Variants in AMZ1 observed in about 807,000 individuals in gnomAD.
AMZ1 encodes archaemetzincin-1.
In AMZ1, 39 loss-of-function variants were observed where a neutral mutation model predicts 29.9. The ratio of observed to expected loss-of-function variants is 1.30; its 90% CI spans 1.01 to 1.70. The LOEUF (loss-of-function observed/expected upper bound fraction) is 1.70, where lower values mean the gene tolerates loss of function less well. Ranked by LOEUF, AMZ1 falls within the 40% of genes most tolerant of loss-of-function variation. The pLI is 0.00. For synonymous variants in AMZ1, 458 were observed against 304.0 expected (o/e 1.51, Z -5.27); for missense variants, 1,041 against 680.6 (o/e 1.53, Z -5.89).
In AMZ1 at chr7:2,718,614, G is replaced by A. The variant is rs759425711; in HGVS notation, c.*5736G>A. Among the ~76,000 whole-genome samples, 1 of 152,356 alleles carries A rather than the reference G, an allele frequency of 6.6e-6. No homozygotes were observed. The highest frequency in any genetic ancestry group is 3.4e-3 in the Middle Eastern group (1 of 294). ...GTGTGGGGTCCAGTCTGAAGCCGAC[G>A]CCCCTCTCGGTCAGGCTTTCAGCAG... is the stretch of plus-strand genomic sequence containing the variant. On this transcript the variant is annotated 3_prime_UTR_variant, in exon 7 of 7. Coordinates refer to ENST00000683327, the MANE Select transcript of AMZ1 (RefSeq NM_001384743.1).
intron 4 of AMZ1, among the ~76,000 whole-genome samples, chr7:2,726,502 T>C (rs1023598826): frequency 3.9e-5 from 6 of 152,164 alleles, no homozygotes; most frequent in Non-Finnish European, 7.3e-5. Context: ...TTCGACTGTG[T>C]CCCCAGGGCA....
At chr7:2,687,139 C>G (rs1787111648), upstream of AMZ1, among the ~76,000 whole-genome samples, 1 of 151,980 alleles carries the variant, frequency 6.6e-6, no homozygotes, top group Non-Finnish European at 1.5e-5. Flanking sequence ...CCAGCCTGGC[C>G]AAGAAGGTGA....
At chr7:2,687,691 C>T (rs1046650537), upstream of AMZ1, among the ~76,000 whole-genome samples, 1 of 114,518 alleles carries the variant, frequency 8.7e-6, no homozygotes, top group Non-Finnish European at 1.8e-5. Context: ...GGGCCTGGTT[C>T]ACCCCTCTCA....
chr7:2,714,071 G>A lies in AMZ1; in HGVS notation c.*1193G>A, dbSNP rs1788975940. On this transcript the variant is annotated 3_prime_UTR_variant, in exon 7 of 7. Transcript: ENST00000683327. ...ACATTTGATTGTTGTGTCTTCCTGA[G>A]GAATTGACCCTTTTATTGTCACACG... The A allele has an allele frequency of 6.6e-6, 1 of 152,194 alleles. No homozygotes were observed. Among genetic ancestry groups the A allele is most frequent in the Non-Finnish European group, 1.5e-5 (1 of 68,040 alleles). The allele number at this position is 152,194 out of a possible 1,614,324, so 9.4% of individuals were successfully genotyped here. A position where few individuals can be genotyped will look rare whatever the true frequency, so the allele number is the denominator to read the frequency against.
intron 4 of AMZ1, among the ~76,000 whole-genome samples, chr7:2,745,099 G>T (rs1790701600): frequency 6.6e-6 from 1 of 152,194 alleles, no homozygotes; most frequent in Non-Finnish European, 1.5e-5. Flanking sequence ...CACTCTGCAG[G>T]ATATTATCCA....
At chr7:2,735,467 C>T (rs1051095088) in intron 4 of AMZ1, among the ~76,000 whole-genome samples, 4 of 152,160 alleles carry the variant, frequency 2.6e-5, no homozygotes, top group African/African-American at 7.2e-5. Context: ...ACACGTGCTC[C>T]GCCCAGATAG....
At chr7:2,707,611 C>A (rs1252696289) in intron 3 of AMZ1, among the ~76,000 whole-genome samples, 1 of 152,084 alleles carries the variant, frequency 6.6e-6, no homozygotes, top group African/African-American at 2.4e-5. Flanking sequence ...ACTGTGATCT[C>A]ACAGTGCTGT....
At chr7:2,743,021 C>T (rs753080778) in intron 4 of AMZ1, among the ~76,000 whole-genome samples, 3 of 152,180 alleles carry the variant, frequency 2.0e-5, no homozygotes, top group Non-Finnish European at 4.4e-5. Flanking sequence ...AGACAGAAAG[C>T]CTACCATCTT....
intron 4 of AMZ1, among the ~76,000 whole-genome samples, chr7:2,734,628 AGACT>A (rs1430938793): frequency 6.6e-6 from 1 of 152,238 alleles, no homozygotes; most frequent in Non-Finnish European, 1.5e-5. Context: ...TGTCCCAGAC[AGACT>A]GAGGGGAGAA....
upstream of AMZ1, chr7:2,762,512 G>T: frequency 1.0e-6 from 1 of 967,224 alleles, no homozygotes; most frequent in Non-Finnish European, 1.5e-6. Context: ...GCCTAACTGT[G>T]GACTACAAAA....
chr7:2,758,781 TGC>T (rs1791419555), intron 4 of AMZ1, among the ~76,000 whole-genome samples: 1 of 152,188 alleles, frequency 6.6e-6, no homozygotes, highest in Non-Finnish European at 1.5e-5. Flanking sequence ...GATAATCAAG[TGC>T]AGTTTACTCA....
intron 2 of AMZ1, among the ~76,000 whole-genome samples, chr7:2,701,703 G>A (rs550891456): frequency 2.0e-5 from 3 of 152,322 alleles, no homozygotes; most frequent in Admixed American, 1.3e-4. Context: ...TCTGACCAGC[G>A]CACCACGCCT....
intron 1 of AMZ1, among the ~76,000 whole-genome samples, chr7:2,696,965 A>G (rs931726543): frequency 6.6e-6 from 1 of 152,232 alleles, no homozygotes; most frequent in Non-Finnish European, 1.5e-5. Context: ...GCAATTTGCA[A>G]TACAAATCAC....
intron 1 of AMZ1, among the ~76,000 whole-genome samples, chr7:2,681,196 G>A (rs1451215906): frequency 6.6e-6 from 1 of 152,216 alleles, no homozygotes; most frequent in Non-Finnish European, 1.5e-5. Flanking sequence ...CGTGCGCCTG[G>A]CCATGGGCAT....
chr7:2,690,408 C>G (rs1032265240), intron 1 of AMZ1, among the ~76,000 whole-genome samples: 1 of 152,110 alleles, frequency 6.6e-6, no homozygotes, highest in African/African-American at 2.4e-5. Context: ...TTTGTAGAGA[C>G]GGGGTTTTGC....
intron 4 of AMZ1, 39 bp from the exon 5 acceptor site, chr7:2,709,036 C>A (rs1204528727): frequency 3.9e-6 from 6 of 1,530,564 alleles, no homozygotes; most frequent in African/African-American, 2.8e-5. Context: ...AGAGCCAAGG[C>A]TGACCCCTGA....
downstream of AMZ1, among the ~76,000 whole-genome samples, chr7:2,720,289 C>A (rs763109473): frequency 4.6e-5 from 7 of 152,366 alleles, no homozygotes; most frequent in African/African-American, 1.7e-4. Flanking sequence ...AGAGTCACTT[C>A]ACAAATGTTC....
intron 3 of AMZ1, among the ~76,000 whole-genome samples, chr7:2,708,184 C>T (rs1302257259): frequency 6.6e-6 from 1 of 152,170 alleles, no homozygotes; most frequent in African/African-American, 2.4e-5. Flanking sequence ...ACGCCTCCAT[C>T]CCAAGATCTT....
intron 4 of AMZ1, among the ~76,000 whole-genome samples, chr7:2,739,476 C>G (rs1226198344): frequency 8.8e-6 from 1 of 113,816 alleles, no homozygotes; most frequent in Non-Finnish European, 2.0e-5. Context: ...CATTTTACGG[C>G]CAATATATAT....
Sources: allele counts gnomAD v4.1 joint callset (sites outside exome capture counted in the v4.1 genomes callset), GRCh38; gene constraint gnomAD v4.1.1; transcripts MANE v1.5; gene names NCBI Gene and HGNC (gene_info 2026-07-23, HGNC 2026-07-21).